ADTRP: variants seen among roughly 807,000 people sequenced by gnomAD.
ADTRP encodes androgen dependent TFPI regulating protein.
Under a neutral mutation model 27.0 loss-of-function variants are expected in ADTRP, and 20 were observed. The observed-to-expected ratio is 0.74, with a 90% CI of 0.52 to 1.08. ADTRP has a LOEUF of 1.08. Among genes scored for constraint, ADTRP ranks in the 50% least tolerant of loss-of-function variants. ADTRP has a pLI of 0.00. For synonymous variants in ADTRP, 101 were observed against 105.2 expected, an observed-to-expected ratio of 0.96 and a Z score of 0.25; for missense variants, 251 against 275.0, an observed-to-expected ratio of 0.91 and a Z score of 0.62.
At position 11,770,045 on chromosome 6, in the gene ADTRP, C is replaced by A. The variant is rs755172853; in HGVS notation, c.154-1662G>T. Reference sequence around the variant, plus strand: ...AGGAAACAAACCTGCCTAAAGCTTCCTGGCTGGTAGATGTCAAACCCAGCA... The same window carrying A: ...AGGAAACAAACCTGCCTAAAGCTTCATGGCTGGTAGATGTCAAACCCAGCA... On this transcript the variant is annotated intron_variant, in intron 1 of 5. Coordinates refer to ENST00000414691, the MANE Select transcript of ADTRP (RefSeq NM_032744.4). 5.8e-6 allele frequency: 9 copies of A among 1,551,600 alleles called. No homozygotes were observed. The South Asian group carries it at 1.1e-4, about 18-fold the overall frequency.
chr6:11,735,205 T>C (rs1762510413), intron 4 of ADTRP, among the ~76,000 whole-genome samples: 1 of 152,172 alleles, frequency 6.6e-6, no homozygotes, highest in African/African-American at 2.4e-5. Context: ...AGGTAGAATG[T>C]AGTTAGATGC....
chr6:11,719,726 A>C (rs1021547552), intron 5 of ADTRP, among the ~76,000 whole-genome samples: 1 of 152,208 alleles, frequency 6.6e-6, no homozygotes, highest in African/African-American at 2.4e-5. Context: ...CTAGCCTCCA[A>C]TAGCCTGACC....
chr6:11,774,651 G>A (rs1239374026), intron 1 of ADTRP, among the ~76,000 whole-genome samples: 1 of 152,042 alleles, frequency 6.6e-6, no homozygotes, highest in Non-Finnish European at 1.5e-5. Context: ...GGGGAGGGAG[G>A]GGCCCACTCA....
intron 1 of ADTRP, among the ~76,000 whole-genome samples, chr6:11,772,630 G>A (rs1406220323): frequency 6.6e-6 from 1 of 152,204 alleles, no homozygotes; most frequent in African/African-American, 2.4e-5. Flanking sequence ...ACTCAGCCAG[G>A]CGGGACTTTC....
chr6:11,778,305 G>T (rs892426240), intron 1 of ADTRP, among the ~76,000 whole-genome samples: 4 of 152,090 alleles, frequency 2.6e-5, no homozygotes, highest in African/African-American at 7.2e-5. Context: ...TAATCCCATG[G>T]TGAAACCATT....
chr6:11,733,112 C>T (rs573026397), intron 4 of ADTRP, among the ~76,000 whole-genome samples: 1 of 152,304 alleles, frequency 6.6e-6, no homozygotes, highest in South Asian at 2.1e-4. Flanking sequence ...AAGTCACCTC[C>T]CATTGTTCAC....
intron 4 of ADTRP, among the ~76,000 whole-genome samples, chr6:11,724,833 A>G (rs1435259649): frequency 2.0e-5 from 3 of 152,236 alleles, no homozygotes; most frequent in East Asian, 3.8e-4. Context: ...AAAGACACAG[A>G]ACAGTGCTTG....
At chr6:11,730,199 A>G (rs1762341922) in intron 4 of ADTRP, among the ~76,000 whole-genome samples, 1 of 152,178 alleles carries the variant, frequency 6.6e-6, no homozygotes, top group African/African-American at 2.4e-5. Flanking sequence ...CATGTTGACA[A>G]CAAGGATGTG....
chr6:11,754,120 A>C (rs937110847), intron 3 of ADTRP, among the ~76,000 whole-genome samples: 1 of 152,210 alleles, frequency 6.6e-6, no homozygotes, highest in African/African-American at 2.4e-5. Flanking sequence ...ACAGAATCCC[A>C]AATTTGAGCA....
intron 3 of ADTRP, among the ~76,000 whole-genome samples, chr6:11,765,536 A>G (rs1763543318): frequency 6.6e-6 from 1 of 151,848 alleles, no homozygotes; most frequent in Non-Finnish European, 1.5e-5. Context: ...AGAATCTGAG[A>G]CCTTTTTATA....
intron 3 of ADTRP, among the ~76,000 whole-genome samples, chr6:11,741,721 T>TAAAA (rs66700409): frequency 0.079 from 11,927 of 151,086 alleles, 832 homozygotes; most frequent in Middle Eastern, 0.18. Flanking sequence ...AGATTTTTTT[T>TAAAA]AAAAAAAAAA....
intron 5 of ADTRP, among the ~76,000 whole-genome samples, chr6:11,721,266 G>T (rs1040169149): frequency 6.6e-6 from 1 of 152,194 alleles, no homozygotes; most frequent in Non-Finnish European, 1.5e-5. Flanking sequence ...AACGTGGAGG[G>T]AAAACCAGCA....
chr6:11,752,741 T>C (rs1032762344), intron 3 of ADTRP, among the ~76,000 whole-genome samples: 1 of 152,226 alleles, frequency 6.6e-6, no homozygotes, highest in African/African-American at 2.4e-5. Flanking sequence ...TAGGGAATAA[T>C]GGATTCTCTT....
chr6:11,770,177 A>T, intron 1 of ADTRP: 1 of 1,213,736 alleles, frequency 8.2e-7, no homozygotes, highest in Non-Finnish European at 1.2e-6. Context: ...AATTATCTCC[A>T]GGTGGGAGAA....
intron 1 of ADTRP, among the ~76,000 whole-genome samples, chr6:11,773,922 CAT>C (rs1272888656): frequency 1.3e-5 from 2 of 152,196 alleles, no homozygotes; most frequent in Non-Finnish European, 1.5e-5. Context: ...GTGACTATCA[CAT>C]AGTTCTCTCA....
intron 3 of ADTRP, among the ~76,000 whole-genome samples, chr6:11,750,347 G>A (rs1325913743): frequency 6.6e-6 from 1 of 152,202 alleles, no homozygotes; most frequent in Non-Finnish European, 1.5e-5. Flanking sequence ...GGAGGCCCAG[G>A]TAGTTCTGTA....
intron 4 of ADTRP, among the ~76,000 whole-genome samples, chr6:11,732,801 C>T (rs946789844): frequency 1.3e-5 from 2 of 152,196 alleles, no homozygotes; most frequent in Non-Finnish European, 2.9e-5. Flanking sequence ...ACTTTAATGT[C>T]TAATCCAAGC....
chr6:11,773,511 C>G (rs890819733), intron 1 of ADTRP, among the ~76,000 whole-genome samples: 1 of 152,172 alleles, frequency 6.6e-6, no homozygotes, highest in Non-Finnish European at 1.5e-5. Flanking sequence ...CATTTGCACC[C>G]CATATTGGAT....
chr6:11,765,323 G>GTTTT (rs34943978), intron 3 of ADTRP, among the ~76,000 whole-genome samples: 9 of 119,120 alleles, frequency 7.6e-5, no homozygotes, highest in South Asian at 2.6e-4. Flanking sequence ...CCCCTGGTTT[G>GTTTT]TTTTTTTTTT....
Sources: allele counts gnomAD v4.1 joint callset (sites outside exome capture counted in the v4.1 genomes callset), GRCh38; gene constraint gnomAD v4.1.1; transcripts MANE v1.5; gene names NCBI Gene and HGNC (gene_info 2026-07-23, HGNC 2026-07-21).